CEP112: variants seen among roughly 807,000 people sequenced by gnomAD.
CEP112 encodes the protein centrosomal protein 112, also known as centrosomal protein of 112 kDa.
In CEP112, 127 loss-of-function variants were observed where a neutral mutation model predicts 153.0. The ratio of observed to expected loss-of-function variants is 0.83; its 90% CI spans 0.72 to 0.96. The LOEUF (loss-of-function observed/expected upper bound fraction) is 0.96. Ranked by LOEUF, CEP112 falls within the 40% of genes least tolerant of loss-of-function variation. CEP112 has a pLI of 0.00. For synonymous variants in CEP112, 358 were observed against 374.4 expected (o/e 0.96, Z 0.51); for missense variants, 1,089 against 1,101.2 (o/e 0.99, Z 0.16).
chr17:65,783,429 C>T (rs1409524023), intron 21 of CEP112, among the ~76,000 whole-genome samples: 1 of 152,146 alleles, frequency 6.6e-6, no homozygotes, highest in Non-Finnish European at 1.5e-5. Flanking sequence ...CCAGCAATTA[C>T]CACCCAGGTA....
intron 6 of CEP112, among the ~76,000 whole-genome samples, chr17:66,109,977 G>A (rs1432986195): frequency 3.3e-5 from 5 of 152,066 alleles, no homozygotes; most frequent in Non-Finnish European, 5.9e-5. Context: ...TGGCTAACAC[G>A]GTAAAACCCC....
chr17:65,848,179 C>A (rs1178789206), intron 21 of CEP112, among the ~76,000 whole-genome samples: 2 of 152,214 alleles, frequency 1.3e-5, no homozygotes, highest in African/African-American at 4.8e-5. Flanking sequence ...TCCTGCTGCT[C>A]TTTGGAACTA....
intron 21 of CEP112, among the ~76,000 whole-genome samples, chr17:65,807,305 A>G (rs2055666672): frequency 6.6e-6 from 1 of 152,156 alleles, no homozygotes; most frequent in African/African-American, 2.4e-5. Context: ...ATGCATGAAC[A>G]AAGAGATGTT....
intron 21 of CEP112, chr17:65,826,457 T>C: frequency 6.6e-7 from 1 of 1,509,822 alleles, no homozygotes; most frequent in South Asian, 1.3e-5. Flanking sequence ...TGTCTGAGAT[T>C]CCCCACCACA....
At chr17:65,727,842 G>T (rs1412852734) in intron 23 of CEP112, among the ~76,000 whole-genome samples, 1 of 152,178 alleles carries the variant, frequency 6.6e-6, no homozygotes, top group Non-Finnish European at 1.5e-5. Flanking sequence ...CAGAGGAGAT[G>T]ATCTTAGTGT....
intron 4 of CEP112, among the ~76,000 whole-genome samples, chr17:66,154,324 G>A (rs1031973956): frequency 6.6e-6 from 1 of 151,940 alleles, no homozygotes; most frequent in Non-Finnish European, 1.5e-5. Flanking sequence ...AGACTAGCCT[G>A]GTTAACATGG....
Position 66,174,975 on chromosome 17 carries a change from A to G in CEP112, c.470+69T>C, listed in dbSNP as rs556838579. The G allele has an allele frequency of 1.5e-5, 16 of 1,062,334 alleles. No homozygotes were observed. In the South Asian group the frequency reaches 4.6e-4, roughly 31 times the overall value. 65.8% of individuals were successfully genotyped at this position (1,062,334 alleles called of 1,614,324 possible). A position where few individuals can be genotyped will look rare whatever the true frequency, so the allele number is the denominator to read the frequency against. On this transcript the variant is annotated intron_variant, in intron 4 of 26. Transcript: ENST00000535342. ...CATTATAAAAAAAAGGAAAAACAGA[A>G]TGTATAAATCAGTTCCAAAGACAGA...
chr17:65,729,602 GT>G (rs2050381631), intron 23 of CEP112, among the ~76,000 whole-genome samples: 2 of 152,042 alleles, frequency 1.3e-5, no homozygotes, highest in African/African-American at 2.4e-5. Context: ...TGTCCAAGTA[GT>G]TTTTTGTTAA....
chr17:65,714,603 G>A (rs920566622), intron 23 of CEP112, among the ~76,000 whole-genome samples: 2 of 151,916 alleles, frequency 1.3e-5, no homozygotes, highest in African/African-American at 2.4e-5. Context: ...AGCCACCTGC[G>A]TACCTAGCCA....
At chr17:65,660,221 C>CCTTCCTTCTT (rs2046279791) in intron 24 of CEP112, among the ~76,000 whole-genome samples, 1 of 45,198 alleles carries the variant, frequency 2.2e-5, no homozygotes, top group Non-Finnish European at 3.8e-5. Context: ...CCTTCCCTCC[C>CCTTCCTTCTT]TCCCTCCTTC....
At chr17:66,157,446 G>A (rs562542160) in intron 4 of CEP112, among the ~76,000 whole-genome samples, 10 of 152,106 alleles carry the variant, frequency 6.6e-5, no homozygotes, top group East Asian at 1.9e-4. Context: ...AAAAACCATC[G>A]ACACTATGAA....
Position 66,117,861 on chromosome 17 carries a change from A to G in CEP112, c.642+11885T>C, listed in dbSNP as rs573386167. 3.9e-5 allele frequency among the ~76,000 whole-genome samples: 6 copies of G among 152,326 alleles called. No individual in the cohort carries two copies. In the South Asian group the frequency reaches 1.2e-3, roughly 32 times the overall value. On this transcript the variant is annotated intron_variant, in intron 6 of 26. Coordinates refer to ENST00000535342, the MANE Select transcript of CEP112 (RefSeq NM_001199165.4). ...TTAAATGGGTAGAAGATCTCAATAG[A>G]CACTTCTCAGAAGAAGACATACAAA...
intron 12 of CEP112, among the ~76,000 whole-genome samples, chr17:66,048,549 G>A (rs971193178): frequency 3.9e-5 from 6 of 152,210 alleles, no homozygotes; most frequent in Admixed American, 1.3e-4. Flanking sequence ...GAATATATAG[G>A]CGAACCTTCT....
At chr17:65,898,631 A>G (rs1388104340) in intron 20 of CEP112, among the ~76,000 whole-genome samples, 1 of 152,016 alleles carries the variant, frequency 6.6e-6, no homozygotes, top group Non-Finnish European at 1.5e-5. Context: ...TTGGGTGCCA[A>G]TGTTTTGCAA....
At chr17:65,683,893 T>C (rs1432675352) in intron 24 of CEP112, among the ~76,000 whole-genome samples, 2 of 151,938 alleles carry the variant, frequency 1.3e-5, no homozygotes, top group Admixed American at 6.6e-5. Context: ...ATACAAAAAT[T>C]AGCCAGGCAT....
chr17:66,114,044 T>C (rs1337556698), intron 6 of CEP112, among the ~76,000 whole-genome samples: 10 of 152,086 alleles, frequency 6.6e-5, no homozygotes, highest in African/African-American at 2.4e-4. Context: ...ATGTCCAAAA[T>C]GGAAAATAAA....
chr17:65,734,295 G>T (rs965480862), intron 23 of CEP112, among the ~76,000 whole-genome samples: 2 of 152,312 alleles, frequency 1.3e-5, no homozygotes, highest in Non-Finnish European at 2.9e-5. Context: ...GGATCATAGA[G>T]AACATGGCAT....
intron 23 of CEP112, among the ~76,000 whole-genome samples, chr17:65,725,715 G>A (rs1370039128): frequency 6.6e-6 from 1 of 152,214 alleles, no homozygotes; most frequent in Non-Finnish European, 1.5e-5. Context: ...TCAGAATCAT[G>A]GTGGTGGCAA....
At chr17:66,049,940 A>G (rs1424228844) in intron 12 of CEP112, among the ~76,000 whole-genome samples, 2 of 152,208 alleles carry the variant, frequency 1.3e-5, no homozygotes, top group Non-Finnish European at 2.9e-5. Flanking sequence ...AAAATATAGC[A>G]TAAGACCTAA....
Sources: gnomAD v4.1 joint callset for allele counts (sites outside exome capture counted in the v4.1 genomes callset) on GRCh38, gnomAD v4.1.1 for gene constraint, MANE v1.5 for transcripts, NCBI Gene and HGNC (gene_info 2026-07-23, HGNC 2026-07-21) for gene names.